HTR4: variants seen among roughly 807,000 people sequenced by gnomAD.
HTR4 encodes the protein 5-hydroxytryptamine receptor 4, also known as 5-hydroxytryptamine (serotonin) receptor 4, G protein-coupled.
A neutral mutation model predicts 36.8 loss-of-function variants in HTR4; 16 were observed. The ratio of observed to expected loss-of-function variants is 0.43; its 90% CI spans 0.29 to 0.66. The LOEUF (loss-of-function observed/expected upper bound fraction) is 0.66. HTR4 is among the 30% of genes least tolerant of loss of function. The pLI is 0.13. For synonymous variants in HTR4, 189 were observed against 185.1 expected (o/e 1.02, Z -0.17); for missense variants, 438 against 490.9 (o/e 0.89, Z 1.02).
chr5:148,574,922 A>T (rs4489051), intron 2 of HTR4, among the ~76,000 whole-genome samples: 9,624 of 152,196 alleles, frequency 0.063, 571 homozygotes, highest in African/African-American at 0.15. Flanking sequence ...GCTTATAATA[A>T]CCCAAGAGGA....
At chr5:148,587,402 G>A (rs546122347) in intron 2 of HTR4, among the ~76,000 whole-genome samples, 1 of 152,256 alleles carries the variant, frequency 6.6e-6, no homozygotes, top group South Asian at 2.1e-4. Context: ...TAGACTTGGT[G>A]ACCAAAGTGG....
intron 2 of HTR4, among the ~76,000 whole-genome samples, chr5:148,573,219 T>C (rs1228265142): frequency 6.6e-6 from 1 of 152,090 alleles, no homozygotes; most frequent in Non-Finnish European, 1.5e-5. Context: ...TACAATTCAA[T>C]TGTATAGCTG....
intron 2 of HTR4, among the ~76,000 whole-genome samples, chr5:148,628,176 T>C (rs1284159841): frequency 6.6e-6 from 1 of 152,212 alleles, no homozygotes; most frequent in Non-Finnish European, 1.5e-5. Context: ...AAATATCAAA[T>C]GATAGACCTT....
intron 5 of HTR4, among the ~76,000 whole-genome samples, chr5:148,510,716 G>A (rs1757457185): frequency 6.6e-6 from 1 of 152,212 alleles, no homozygotes; most frequent in Non-Finnish European, 1.5e-5. Flanking sequence ...GCTCTTTGGG[G>A]GATGCCATGG....
At chr5:148,579,938 G>T (rs1052675122) in intron 2 of HTR4, among the ~76,000 whole-genome samples, 4 of 151,890 alleles carry the variant, frequency 2.6e-5, no homozygotes, top group Non-Finnish European at 4.4e-5. Context: ...CCTATTTTAA[G>T]GTCAGCTGAT....
intron 5 of HTR4, among the ~76,000 whole-genome samples, chr5:148,456,400 C>A (rs528172214): frequency 6.6e-6 from 1 of 152,166 alleles, no homozygotes; most frequent in Non-Finnish European, 1.5e-5. Context: ...CTGGAGGGTG[C>A]AAACCTCCAG....
intron 2 of HTR4, among the ~76,000 whole-genome samples, chr5:148,574,825 C>A (rs751827815): frequency 6.6e-6 from 1 of 152,088 alleles, no homozygotes; most frequent in Non-Finnish European, 1.5e-5. Context: ...TTTCCACCCA[C>A]CACAGAATTC....
rs536395598 is a variant in HTR4, at chr5:148,506,788, G to T, written c.1076+2668C>A. Among the ~76,000 whole-genome samples the T allele has an allele frequency of 1.1e-3, 165 of 152,252 alleles. 1 individual carries two copies. The highest frequency in any genetic ancestry group is 1.7e-3 in the Non-Finnish European group (117 of 68,024). On this transcript the variant is annotated intron_variant, in intron 6 of 6. Transcript: ENST00000377888. ...ACATGAAAAAATGCTCATCATCACTGGCCGTCAGAGAAATGCAAATCAAAA... is the reference window on the plus strand; with the variant it reads ...ACATGAAAAAATGCTCATCATCACTTGCCGTCAGAGAAATGCAAATCAAAA...
intron 6 of HTR4, chr5:148,490,898 C>A (rs1320853817): frequency 4.4e-6 from 2 of 453,436 alleles, no homozygotes; most frequent in Non-Finnish European, 8.8e-6. Flanking sequence ...TTGCTCTAAG[C>A]TCAGCATCCC....
At chr5:148,507,052 C>T (rs1456262727) in intron 6 of HTR4, among the ~76,000 whole-genome samples, 1 of 152,088 alleles carries the variant, frequency 6.6e-6, no homozygotes, top group Non-Finnish European at 1.5e-5. Context: ...ATAAATCATG[C>T]TGCTATAAAG....
intron 2 of HTR4, among the ~76,000 whole-genome samples, chr5:148,596,638 C>CAA (rs1761788171): frequency 6.6e-6 from 1 of 151,590 alleles, no homozygotes; most frequent in Non-Finnish European, 1.5e-5. Flanking sequence ...GCTGCGACAA[C>CAA]CAAAAACATC....
At chr5:148,567,094 A>C (rs1760473554) in intron 2 of HTR4, among the ~76,000 whole-genome samples, 1 of 152,100 alleles carries the variant, frequency 6.6e-6, no homozygotes, top group Non-Finnish European at 1.5e-5. Context: ...TCATTTTAAG[A>C]AGTTTTTAAT....
intron 1 of HTR4, among the ~76,000 whole-genome samples, chr5:148,638,132 G>A (rs540293301): frequency 1.3e-5 from 2 of 152,288 alleles, no homozygotes; most frequent in East Asian, 1.9e-4. Flanking sequence ...TGGCAGCCAC[G>A]AAGAGAATGG....
chr5:148,584,789 G>A (rs563183075), intron 2 of HTR4, among the ~76,000 whole-genome samples: 3 of 152,270 alleles, frequency 2.0e-5, no homozygotes, highest in East Asian at 3.9e-4. Context: ...GTTTTTCTGA[G>A]TAAATGAATA....
At chr5:148,563,173 C>G (rs1760289785) in intron 2 of HTR4, among the ~76,000 whole-genome samples, 1 of 152,194 alleles carries the variant, frequency 6.6e-6, no homozygotes, top group Non-Finnish European at 1.5e-5. Flanking sequence ...CTCTCTCTTT[C>G]CCAGGCTGCT....
chr5:148,507,248 A>G (rs1254804028), intron 6 of HTR4, among the ~76,000 whole-genome samples: 1 of 151,852 alleles, frequency 6.6e-6, no homozygotes, highest in Non-Finnish European at 1.5e-5. Flanking sequence ...GCTGGAAACC[A>G]TCATTCTCAG....
chr5:148,528,352 C>G (rs1163155153), intron 4 of HTR4, among the ~76,000 whole-genome samples: 1 of 151,978 alleles, frequency 6.6e-6, no homozygotes, highest in Non-Finnish European at 1.5e-5. Flanking sequence ...TTATTTGGAG[C>G]TCGAATTCTA....
At position 148,481,594 on chromosome 5, in the gene HTR4, T is replaced by A; in HGVS notation, c.*1609A>T. On this transcript the variant is annotated 3_prime_UTR_variant, in exon 7 of 7. Coordinates refer to ENST00000377888, the MANE Select transcript of HTR4 (RefSeq NM_000870.7). ...GGTTTGGTCAATCTTCTCTTCCTTATTCCAAAGTTTCTTCCTGTCGGTTTC... is the reference window on the plus strand; with the variant it reads ...GGTTTGGTCAATCTTCTCTTCCTTAATCCAAAGTTTCTTCCTGTCGGTTTC... 2 of 1,515,584 alleles carry A rather than the reference T, an allele frequency of 1.3e-6. No individual in the cohort carries two copies. Among genetic ancestry groups the A allele is most frequent in the Non-Finnish European group, 1.8e-6 (2 of 1,141,942 alleles). 93.9% of individuals were successfully genotyped at this position (1,515,584 alleles called of 1,614,324 possible). A position where few individuals can be genotyped will look rare whatever the true frequency, so the allele number is the denominator to read the frequency against.
chr5:148,607,038 A>T (rs1175074422), intron 2 of HTR4, among the ~76,000 whole-genome samples: 1 of 152,252 alleles, frequency 6.6e-6, no homozygotes, highest in Admixed American at 6.5e-5. Flanking sequence ...AACCTTAATC[A>T]TAATGGTGGA....
Sources: allele counts gnomAD v4.1 joint callset (sites outside exome capture counted in the v4.1 genomes callset), GRCh38; gene constraint gnomAD v4.1.1; transcripts MANE v1.5; gene names NCBI Gene and HGNC (gene_info 2026-07-23, HGNC 2026-07-21).